ZP4: variants seen among roughly 807,000 people sequenced by gnomAD.
ZP4 encodes the protein zona pellucida sperm-binding protein 4.
Under a neutral mutation model 62.3 loss-of-function variants are expected in ZP4, and 62 were observed. That is an observed-to-expected ratio of 0.99 (90% CI 0.81 to 1.23). The LOEUF (loss-of-function observed/expected upper bound fraction) is 1.23. Ranked by LOEUF, ZP4 falls within the 50% of genes most tolerant of loss-of-function variation. The pLI is 0.00. For synonymous variants in ZP4, 289 were observed against 247.3 expected, an observed-to-expected ratio of 1.17 and a Z score of -1.58; for missense variants, 774 against 656.0, an observed-to-expected ratio of 1.18 and a Z score of -1.97.
rs768909395 is a variant in ZP4 at position 237,887,393 on chromosome 1, G to A, written c.722C>T (p.Ser241Phe). Residue 241 changes from serine to phenylalanine, a missense_variant, in exon 5 of 12, where the codon TCC (serine) becomes TTC (phenylalanine). Transcript: ENST00000366570. ...GCTCACCTGTCTTGTGGTGCCACAG[G>A]AAGTAAATGGAAACTGGAACAGAAC... The part of the protein sequence containing the change: ...AFVLFQFPFT[S>F]CGTTRQITGD... The A allele has an allele frequency of 3.7e-6, 6 of 1,613,974 alleles. No individual in the cohort carries two copies. The South Asian group carries it at 5.5e-5, about 15-fold the overall frequency.
chr1:237,884,369 A>G lies in ZP4; in HGVS notation c.1390+400T>C, dbSNP rs538410577. On this transcript the variant is annotated intron_variant, in intron 10 of 11. Transcript: ENST00000366570. ...TGACTACTTAGAAGCATTGGACCCA[A>G]CGAACTAGAGACCACATTCTAGGTC... 2.0e-5 allele frequency among the ~76,000 whole-genome samples: 3 copies of G among 152,256 alleles called. No homozygotes were observed. The South Asian group carries it at 6.2e-4, about 32-fold the overall frequency.
intron 10 of ZP4, among the ~76,000 whole-genome samples, chr1:237,883,531 G>A (rs560095136): frequency 8.7e-4 from 131 of 150,220 alleles, no homozygotes; most frequent in South Asian, 1.1e-3. Flanking sequence ...CCTGGCCAAC[G>A]TGGTGAATCC....
chr1:237,888,361 T>A lies in ZP4; in HGVS notation c.550A>T (p.Thr184Ser). 1 of 1,577,290 alleles carries A rather than the reference T, an allele frequency of 6.3e-7. No individual in the cohort carries two copies. The highest frequency in any genetic ancestry group is 2.3e-5 in the East Asian group (1 of 43,888). The change falls in exon 4 of 12, where the codon ACT becomes TCT. Residue 184 changes from threonine to serine, a missense_variant. Transcript: ENST00000366570. ...EEVNSCYYGN[T>S]VTLHCTREGH... ...AGAGGTGTGCTCACTTACTCACCAG[T>A]GTTTCCATAGTAGCAGGAATTCACC... is the stretch of plus-strand genomic sequence containing the variant.
intron 9 of ZP4, 127 bp from the exon 10 acceptor site, chr1:237,884,974 C>A: frequency 8.2e-7 from 1 of 1,223,880 alleles, no homozygotes; most frequent in South Asian, 1.4e-5. Context: ...GTTGATATCA[C>A]AATGGCACTA....
In ZP4 at chr1:237,885,409, C is replaced by CA. The variant is rs1162003904; in HGVS notation, c.1141dup (p.Trp381LeufsTer71). On this transcript the variant is annotated frameshift_variant, in exon 8 of 12. Coordinates refer to ENST00000366570, the MANE Select transcript of ZP4 (RefSeq NM_021186.5). LOFTEE classifies it high-confidence loss of function. ...CACTTACCCCTTTACCAGGATGGGC[C>CA]ACTGTGGCTGACTCAGGGGGTCAGT... 1 of 1,611,740 alleles carries CA rather than the reference C, an allele frequency of 6.2e-7. No individual in the cohort carries two copies. Among genetic ancestry groups the CA allele is most frequent in the Non-Finnish European group, 8.5e-7 (1 of 1,178,886 alleles).
At chr1:237,884,950 TTGATA>T in intron 9 of ZP4, 103 bp from the exon 10 acceptor site, 1 of 1,338,050 alleles carries the variant, frequency 7.5e-7, no homozygotes, top group Non-Finnish European at 1.0e-6. Flanking sequence ...TATCAGAAAA[TTGATA>T]TGGTCCAAGT....
At chr1:237,887,622 G>A (rs1665137216) in intron 4 of ZP4, 61 bp from the exon 5 acceptor site, 12 of 1,536,714 alleles carry the variant, frequency 7.8e-6, no homozygotes, top group African/African-American at 1.4e-5. Flanking sequence ...AGAACCAGAT[G>A]AAAGTCTAAC....
At chr1:237,886,957 C>G in intron 5 of ZP4, 89 bp from the exon 6 acceptor site, 1 of 1,113,848 alleles carries the variant, frequency 9.0e-7, no homozygotes, top group Non-Finnish European at 1.3e-6. Context: ...GCAATGCTAC[C>G]CTGTTGTATG....
Position 237,890,589 on chromosome 1 carries a change from G to A in ZP4, c.47C>T (p.Ala16Val). 2 of 1,614,094 alleles carry A rather than the reference G, an allele frequency of 1.2e-6. No homozygotes were observed. Among genetic ancestry groups the A allele is most frequent in the Non-Finnish European group, 1.7e-6 (2 of 1,180,036 alleles). Residue 16 changes from alanine (A) to valine (V), a missense_variant, in exon 1 of 12, where the codon GCT (alanine) becomes GTT (valine). Ala to Val is a moderately conservative substitution (Grantham distance 64). Coordinates refer to ENST00000366570, the MANE Select transcript of ZP4 (RefSeq NM_021186.5). ...CTCAGGCTTATGCTGGCCACTCACAGCAAGAGATAATGAAACACACAGCAA... is the reference window on the plus strand; with the variant it reads ...CTCAGGCTTATGCTGGCCACTCACAACAAGAGATAATGAAACACACAGCAA... Reference protein sequence around the residue: ...CVLLCVSLSLAVSGQHKPEAP... With the variant: ...CVLLCVSLSLVVSGQHKPEAP...
intron 6 of ZP4, among the ~76,000 whole-genome samples, chr1:237,886,405 G>A (rs1447511016): frequency 6.6e-6 from 1 of 151,896 alleles, no homozygotes; most frequent in African/African-American, 2.4e-5. Context: ...TTTGTCCATG[G>A]CTTTAAGGTG....
intron 10 of ZP4, among the ~76,000 whole-genome samples, chr1:237,884,017 A>AACACACACACACACACACACAC (rs142971801): frequency 1.1e-5 from 1 of 87,946 alleles, no homozygotes; most frequent in African/African-American, 4.8e-5. Context: ...CACACACACA[A>AACACACACACACACACACACAC]ACACACACAC....
At chr1:237,890,001 G>A (rs2103021114) in intron 2 of ZP4, 32 bp from the exon 3 acceptor site, 1 of 1,614,154 alleles carries the variant, frequency 6.2e-7, no homozygotes, top group Non-Finnish European at 8.5e-7. Context: ...GGTCAGCCTG[G>A]ATGGTAGCAT....
intron 6 of ZP4, 124 bp from the exon 7 acceptor site, chr1:237,886,010 TC>T (rs2103017786): frequency 7.5e-7 from 1 of 1,341,510 alleles, no homozygotes; most frequent in South Asian, 1.4e-5. Flanking sequence ...TGGATGTGGT[TC>T]CTGCCCTGCT....
chr1:237,884,184 G>A (rs990531792), intron 10 of ZP4, among the ~76,000 whole-genome samples: 1 of 152,102 alleles, frequency 6.6e-6, no homozygotes, highest in Non-Finnish European at 1.5e-5. Context: ...GTGATAATAT[G>A]CATTTTTGGA....
intron 10 of ZP4, among the ~76,000 whole-genome samples, chr1:237,883,927 T>C (rs1665005336): frequency 6.7e-6 from 1 of 149,610 alleles, no homozygotes; most frequent in African/African-American, 2.5e-5. Flanking sequence ...GCCATTGTAC[T>C]CCAACCTGCA....
intron 5 of ZP4, 102 bp from the exon 6 acceptor site, chr1:237,886,970 A>G: frequency 1.0e-6 from 1 of 979,228 alleles, no homozygotes; most frequent in Non-Finnish European, 1.6e-6. Context: ...GTTGTATGGT[A>G]TATTTCCTAT....
chr1:237,885,775 C>T lies in ZP4; in HGVS notation c.951G>A (p.Leu317=), dbSNP rs757010371. The T allele has an allele frequency of 6.8e-6, 11 of 1,613,904 alleles. No individual in the cohort carries two copies. Among genetic ancestry groups the T allele is most frequent in the Non-Finnish European group, 6.8e-6 (8 of 1,179,992 alleles). Residue 317 remains leucine, a synonymous_variant, in exon 7 of 12, where the codon CTG becomes CTA. Transcript: ENST00000366570. ...TCATACCTTTGGCAATCTGAAGTTC[C>T]AGAGTGAGGGGTCCAGGCTGGGTCT... The part of the protein sequence containing the change: ...FPETQPGPLT[L]ELQIAKDKNY...
At chr1:237,888,293 C>T (rs1292972966) in intron 4 of ZP4, 65 bp downstream of exon 4, 4 of 1,449,376 alleles carry the variant, frequency 2.8e-6, no homozygotes, top group African/African-American at 2.9e-5. Flanking sequence ...GCAAACCCCT[C>T]TCTGGGTTTC....
rs1665221502 is a variant in ZP4 at position 237,890,665 on chromosome 1, G to A, written c.-30C>T. 1 of 1,600,422 alleles carries A rather than the reference G, an allele frequency of 6.2e-7. No homozygotes were observed. Among genetic ancestry groups the A allele is most frequent in the Non-Finnish European group, 8.5e-7 (1 of 1,172,912 alleles). Reference sequence around the variant, plus strand: ...CTACCAGGAGTTCCTGCCGGCTGCAGACTCTCCGCCTCCTCTCCCAAGAGC... The same window carrying A: ...CTACCAGGAGTTCCTGCCGGCTGCAAACTCTCCGCCTCCTCTCCCAAGAGC... On this transcript the variant is annotated 5_prime_UTR_variant, in exon 1 of 12. Coordinates refer to ENST00000366570, the MANE Select transcript of ZP4 (RefSeq NM_021186.5).
Sources: gnomAD v4.1 joint callset for allele counts (sites outside exome capture counted in the v4.1 genomes callset) on GRCh38, gnomAD v4.1.1 for gene constraint, MANE v1.5 for transcripts, NCBI Gene and HGNC (gene_info 2026-07-23, HGNC 2026-07-21) for gene names.